INPP5B: variants seen among roughly 807,000 people sequenced by gnomAD.
INPP5B encodes the protein inositol polyphosphate-5-phosphatase B, also known as type II inositol 1,4,5-trisphosphate 5-phosphatase.
Under a neutral mutation model 118.5 loss-of-function variants are expected in INPP5B, and 90 were observed. The observed-to-expected ratio is 0.76, with a 90% CI of 0.64 to 0.90. INPP5B has a LOEUF of 0.90. Ranked by LOEUF, INPP5B falls within the 40% of genes least tolerant of loss-of-function variation. The probability of loss-of-function intolerance (pLI) is 0.00; values close to 1 mark genes in which losing one functional copy is unlikely to be tolerated. For synonymous variants in INPP5B, 385 were observed against 418.9 expected, an observed-to-expected ratio of 0.92 and a Z score of 0.99; for missense variants, 984 against 1,125.6, an observed-to-expected ratio of 0.87 and a Z score of 1.80.
intron 15 of INPP5B, among the ~76,000 whole-genome samples, chr1:37,879,359 G>A (rs1363965499): frequency 1.3e-5 from 2 of 151,640 alleles, no homozygotes; most frequent in African/African-American, 2.4e-5. Flanking sequence ...TGTCTGCTTG[G>A]GGGCCTCTTT....
At chr1:37,888,487 G>A in intron 9 of INPP5B, 143 bp from the exon 10 acceptor site, 2 of 484,836 alleles carry the variant, frequency 4.1e-6, no homozygotes, top group Non-Finnish European at 7.3e-6. Context: ...ACCTAGACCA[G>A]GACTGCAGCA....
chr1:37,868,100 G>A (rs1385430020), intron 20 of INPP5B, among the ~76,000 whole-genome samples: 1 of 152,138 alleles, frequency 6.6e-6, no homozygotes, highest in Non-Finnish European at 1.5e-5. Context: ...ACTTTGGGAG[G>A]CCAAGGTGGG....
At chr1:37,944,839 G>C (rs570715625) in intron 3 of INPP5B, among the ~76,000 whole-genome samples, 3 of 151,456 alleles carry the variant, frequency 2.0e-5, no homozygotes, top group Non-Finnish European at 2.9e-5. Context: ...AGCTGGTCTC[G>C]AACTCCTAGG....
At chr1:37,931,694 A>C (rs1201917253) in intron 7 of INPP5B, 2 of 1,531,554 alleles carry the variant, frequency 1.3e-6, no homozygotes, top group South Asian at 2.4e-5. Context: ...CGCTCCCGAG[A>C]GCCGGCGGCG....
Position 37,918,877 on chromosome 1 carries a change from T to A in INPP5B, c.532+13036A>T, listed in dbSNP as rs182696182. On this transcript the variant is annotated intron_variant, in intron 7 of 23. Coordinates refer to ENST00000373024, the MANE Select transcript of INPP5B (RefSeq NM_005540.3). ...CACTCCTAATCCCCCACTGCTTTAA[T>A]AATGATGACTACCATTTATCAAGTA... is the stretch of plus-strand genomic sequence containing the variant. 3.0e-3 allele frequency among the ~76,000 whole-genome samples: 460 copies of A among 152,326 alleles called. 1 individual carries two copies. Among genetic ancestry groups the A allele is most frequent in the Non-Finnish European group, 5.5e-3 (374 of 68,026 alleles).
intron 6 of INPP5B, among the ~76,000 whole-genome samples, chr1:37,935,999 G>A (rs1378921500): frequency 6.6e-6 from 1 of 152,072 alleles, no homozygotes; most frequent in African/African-American, 2.4e-5. Flanking sequence ...CTGCGAGGTG[G>A]AGCTTGCAGT....
At chr1:37,908,062 C>T (rs1432774045) in intron 7 of INPP5B, among the ~76,000 whole-genome samples, 1 of 152,054 alleles carries the variant, frequency 6.6e-6, no homozygotes, top group East Asian at 1.9e-4. Flanking sequence ...CTATCCCAAA[C>T]GTATAAAAAC....
At chr1:37,937,694 G>A (rs1260802020) in intron 6 of INPP5B, among the ~76,000 whole-genome samples, 2 of 151,916 alleles carry the variant, frequency 1.3e-5, no homozygotes, top group Non-Finnish European at 2.9e-5. Context: ...TTGAACCCAG[G>A]AGGCAGAAGT....
intron 7 of INPP5B, among the ~76,000 whole-genome samples, chr1:37,910,511 T>A (rs564576905): frequency 2.8e-4 from 43 of 152,010 alleles, no homozygotes; most frequent in Non-Finnish European, 5.6e-4. Context: ...CTCCTTCACA[T>A]CCTCTCCTTG....
intron 7 of INPP5B, among the ~76,000 whole-genome samples, chr1:37,910,024 CT>C (rs1397487842): frequency 6.6e-6 from 1 of 152,178 alleles, no homozygotes; most frequent in Non-Finnish European, 1.5e-5. Context: ...GGAAATCAGA[CT>C]GTCCAACTCA....
intron 22 of INPP5B, chr1:37,864,868 G>C (rs1260028461): frequency 6.5e-6 from 1 of 153,074 alleles, no homozygotes; most frequent in Non-Finnish European, 1.5e-5. Flanking sequence ...CTGCATATCA[G>C]AATCAGTTTG....
intron 6 of INPP5B, 35 bp from the exon 7 acceptor site, chr1:37,932,088 G>C (rs766999748): frequency 6.6e-7 from 1 of 1,525,834 alleles, no homozygotes; most frequent in South Asian, 1.2e-5. Flanking sequence ...ACTGAGCCAC[G>C]AGCTTGAAGA....
chr1:37,875,594 T>C lies in INPP5B; in HGVS notation c.1788+12A>G, dbSNP rs1300323839. The C allele has an allele frequency of 1.3e-6, 2 of 1,599,412 alleles. No homozygotes were observed. The highest frequency in any genetic ancestry group is 2.2e-5 in the South Asian group (2 of 90,776). ...GAGCCCAATGCTAATATTCTTAACA[T>C]GTCCTTCCTACCTCTCGCTTGGACA... On this transcript the variant is annotated intron_variant, in intron 17 of 23. Transcript: ENST00000373024.
Position 37,875,668 on chromosome 1 carries a change from C to T in INPP5B, c.1726G>A (p.Val576Ile), listed in dbSNP as rs1232279765. 1 of 1,614,066 alleles carries T rather than the reference C, an allele frequency of 6.2e-7. No homozygotes were observed. Among genetic ancestry groups the T allele is most frequent in the African/African-American group, 1.3e-5 (1 of 74,928 alleles). The change falls in exon 17 of 24, where the codon GTT becomes ATT. Residue 576 changes from valine to isoleucine, a missense_variant. Val to Ile is a conservative substitution (Grantham distance 29). This residue lies in a region of INPP5B where 634 missense variants were observed against 791.0 expected (regional missense o/e 0.80). Transcript: ENST00000373024. ...ELYRKTLEEI[V>I]RSLDKMENAN... is the part of the protein sequence containing the mutation. ...TTTTCCATCTTATCCAGGGAGCGAA[C>T]AATTTCCTCCAGTGTCTTCCGGTAA... is the stretch of plus-strand genomic sequence containing the variant.
Position 37,863,517 on chromosome 1 carries a change from A to AAAATT in INPP5B, c.2626+790_2626+794dup, listed in dbSNP as rs1207843136. On this transcript the variant is annotated intron_variant, in intron 23 of 23. Coordinates refer to ENST00000373024, the MANE Select transcript of INPP5B (RefSeq NM_005540.3). Reference sequence around the variant, plus strand: ...CGACAGAGCGAGACTCCATCTCTAAAAAATTAAATTAAATTAAATTAAAAA... The same window carrying AAAATT: ...CGACAGAGCGAGACTCCATCTCTAAAAAATTAAATTAAATTAAATTAAATTAAAAA... Among the ~76,000 whole-genome samples, 6 of 151,644 alleles carry AAAATT rather than the reference A, an allele frequency of 4.0e-5. No homozygotes were observed. In the South Asian group the frequency reaches 1.0e-3, roughly 26 times the overall value.
intron 12 of INPP5B, 65 bp downstream of exon 12, chr1:37,886,822 CA>C (rs1314009851): frequency 9.0e-7 from 1 of 1,114,122 alleles, no homozygotes; most frequent in African/African-American, 1.5e-5. Flanking sequence ...ACTGTGTCAT[CA>C]GAAGTGGTCA....
intron 16 of INPP5B, among the ~76,000 whole-genome samples, chr1:37,877,801 C>G (rs566965658): frequency 6.6e-6 from 1 of 152,118 alleles, no homozygotes; most frequent in African/African-American, 2.4e-5. Context: ...CCTTCACTGT[C>G]CTGGAAAGAT....
chr1:37,864,263 G>A (rs764618051), intron 23 of INPP5B, 49 bp downstream of exon 23: 22 of 1,012,774 alleles, frequency 2.2e-5, no homozygotes, highest in Admixed American at 1.9e-4. Context: ...TTCTCATTAC[G>A]AGTCTCTCAG....
chr1:37,896,597 TG>T (rs1351344638), intron 7 of INPP5B, among the ~76,000 whole-genome samples: 2 of 114,896 alleles, frequency 1.7e-5, no homozygotes, highest in East Asian at 2.8e-4. Context: ...GGGAAGGAGG[TG>T]GGGGGGTCAG....
Sources: gnomAD v4.1 joint callset for allele counts (sites outside exome capture counted in the v4.1 genomes callset) on GRCh38, gnomAD v4.1.1 for gene constraint, gnomAD v4.1.1 regional missense constraint, MANE v1.5 for transcripts, NCBI Gene and HGNC (gene_info 2026-07-23, HGNC 2026-07-21) for gene names.